The following RETREG1 variants were observed in gnomAD, a reference collection of about 807,000 sequenced individuals.
The protein encoded by RETREG1 is family with sequence similarity 134 member B.
Under a neutral mutation model 54.8 loss-of-function variants are expected in RETREG1, and 44 were observed. That is an observed-to-expected ratio of 0.80 (90% CI 0.63 to 1.03). RETREG1 has a LOEUF of 1.03. RETREG1 is among the 50% of genes least tolerant of loss of function. The pLI is 0.00. For missense variants in RETREG1, 554 were observed against 605.1 expected, an observed-to-expected ratio of 0.92 and a Z score of 0.89; for synonymous variants, 217 against 238.5, an observed-to-expected ratio of 0.91 and a Z score of 0.83.
chr5:16,503,533 G>A (rs1739808439), intron 3 of RETREG1, among the ~76,000 whole-genome samples: 1 of 151,902 alleles, frequency 6.6e-6, no homozygotes, highest in Admixed American at 6.6e-5. Context: ...GCTGGGCGTG[G>A]TGGCAGGCGC....
chr5:16,482,660 G>C (rs759213499), intron 4 of RETREG1, among the ~76,000 whole-genome samples: 7 of 152,046 alleles, frequency 4.6e-5, no homozygotes, highest in Non-Finnish European at 1.0e-4. Flanking sequence ...CAAGGAGCTT[G>C]AAAGCAACAC....
At chr5:16,526,466 A>G (rs1740719691) in intron 3 of RETREG1, among the ~76,000 whole-genome samples, 1 of 152,224 alleles carries the variant, frequency 6.6e-6, no homozygotes, top group African/African-American at 2.4e-5. Flanking sequence ...TTACATGGGA[A>G]AAGGTGGACT....
At position 16,478,180 on chromosome 5, in the gene RETREG1, C is replaced by A. The variant is rs914655202; in HGVS notation, c.809-82G>T. 3.7e-6 allele frequency: 3 copies of A among 819,186 alleles called. No homozygotes were observed. The African/African-American group carries it at 5.1e-5, about 14-fold the overall frequency. The allele number at this position is 819,186 out of a possible 1,614,324, so 50.7% of individuals were successfully genotyped here. A position where few individuals can be genotyped will look rare whatever the true frequency, so the allele number is the denominator to read the frequency against. ...ATTTATTTCATTATGTATTCTTACC[C>A]CACATTTCTCATATTCTCCAAATAC... On this transcript the variant is annotated intron_variant, in intron 6 of 8. Transcript: ENST00000306320.
chr5:16,503,748 A>G (rs913346431), intron 3 of RETREG1, among the ~76,000 whole-genome samples: 1 of 152,050 alleles, frequency 6.6e-6, no homozygotes, highest in Non-Finnish European at 1.5e-5. Context: ...ATTATACCTT[A>G]GGAATATATA....
At position 16,474,831 on chromosome 5, in the gene RETREG1, A is replaced by G. The variant is rs1188421518; in HGVS notation, c.1404T>C (p.Ser468=). The G allele has an allele frequency of 3.7e-6, 6 of 1,613,482 alleles. No homozygotes were observed. The South Asian group carries it at 5.5e-5, about 15-fold the overall frequency. The change falls in exon 9 of 9, where the codon AGT becomes AGC. Residue 468 remains serine (S), a synonymous_variant. Coordinates refer to ENST00000306320, the MANE Select transcript of RETREG1 (RefSeq NM_001034850.3). ...CCTGGTCTTGTGTAAGTCCCAATTC[A>G]CTCTCAATTTGATCCAGCTCTGACT... The part of the protein sequence containing the change: ...LDQSELDQIE[S]ELGLTQDQEA...
chr5:16,589,444 G>A (rs548052661), intron 1 of RETREG1, among the ~76,000 whole-genome samples: 10 of 151,826 alleles, frequency 6.6e-5, no homozygotes, highest in Non-Finnish European at 1.0e-4. Flanking sequence ...GTGCCATCTC[G>A]GCTCACTGCA....
intron 1 of RETREG1, among the ~76,000 whole-genome samples, chr5:16,602,139 G>A (rs1743071047): frequency 6.6e-6 from 1 of 152,140 alleles, no homozygotes; most frequent in Admixed American, 6.5e-5. Flanking sequence ...AGTGCACCAA[G>A]GAAGGCTTCA....
chr5:16,503,678 AGAAAG>A (rs1311035591), intron 3 of RETREG1, among the ~76,000 whole-genome samples: 3 of 103,306 alleles, frequency 2.9e-5, no homozygotes, highest in African/African-American at 1.0e-4. Context: ...AAAAAAAAAA[AGAAAG>A]AAAGAAAGAA....
At chr5:16,505,901 G>C (rs1231466853) in intron 3 of RETREG1, among the ~76,000 whole-genome samples, 2 of 152,176 alleles carry the variant, frequency 1.3e-5, no homozygotes, top group Non-Finnish European at 2.9e-5. Context: ...GCCTGCTTCA[G>C]AGTGGCATTC....
rs142862821 is a variant in RETREG1 at position 16,488,083 on chromosome 5, AT to A, written c.459-4612del. ...ATCTGCATTTTAACAGGTGTCCTAGATGATGCTGAGGCAGGTGTGTCTTACC... is the reference window on the plus strand; with the variant it reads ...ATCTGCATTTTAACAGGTGTCCTAGAGATGCTGAGGCAGGTGTGTCTTACC... On this transcript the variant is annotated intron_variant, in intron 3 of 8. Transcript: ENST00000306320. 3.3e-3 allele frequency among the ~76,000 whole-genome samples: 506 copies of A among 152,308 alleles called. 4 individuals carry two copies. Among genetic ancestry groups the A allele is most frequent in the African/African-American group, 0.011 (477 of 41,568 alleles).
chr5:16,492,320 T>C (rs1579600743), intron 3 of RETREG1, among the ~76,000 whole-genome samples: 1 of 151,996 alleles, frequency 6.6e-6, no homozygotes, highest in Non-Finnish European at 1.5e-5. Context: ...TTTCCAAAGA[T>C]GTTTTGATTT....
chr5:16,479,630 T>C (rs1294297887), intron 5 of RETREG1, among the ~76,000 whole-genome samples: 1 of 152,110 alleles, frequency 6.6e-6, no homozygotes, highest in Non-Finnish European at 1.5e-5. Flanking sequence ...ATGACTTCTT[T>C]TGGGGAGAAT....
At chr5:16,557,357 TCTC>T (rs1164122214) in intron 3 of RETREG1, among the ~76,000 whole-genome samples, 7 of 152,230 alleles carry the variant, frequency 4.6e-5, no homozygotes, top group Non-Finnish European at 8.8e-5. Flanking sequence ...TAACTACAGT[TCTC>T]CACATCCTTT....
At chr5:16,541,193 A>G (rs1024424590) in intron 3 of RETREG1, among the ~76,000 whole-genome samples, 1 of 152,182 alleles carries the variant, frequency 6.6e-6, no homozygotes, top group Admixed American at 6.5e-5. Context: ...TCTTTGGGGA[A>G]ATGATTCAAT....
At chr5:16,532,235 A>C (rs1336677909) in intron 3 of RETREG1, among the ~76,000 whole-genome samples, 3 of 152,188 alleles carry the variant, frequency 2.0e-5, no homozygotes, top group Non-Finnish European at 4.4e-5. Flanking sequence ...GCGTTCAAAA[A>C]GTTTTCCTGG....
intron 3 of RETREG1, among the ~76,000 whole-genome samples, chr5:16,486,731 T>C (rs1739035821): frequency 1.3e-5 from 2 of 152,208 alleles, no homozygotes; most frequent in Admixed American, 6.5e-5. Flanking sequence ...GAGCATTTCA[T>C]GTTCCTCACT....
intron 3 of RETREG1, among the ~76,000 whole-genome samples, chr5:16,522,033 G>A (rs1740548354): frequency 6.6e-6 from 1 of 152,164 alleles, no homozygotes; most frequent in Admixed American, 6.5e-5. Flanking sequence ...TGCTGACCCA[G>A]CCTTGAAGGG....
intron 3 of RETREG1, among the ~76,000 whole-genome samples, chr5:16,520,325 T>TTG (rs369071745): frequency 0.3 from 45,771 of 151,598 alleles, 7,094 homozygotes; most frequent in East Asian, 0.39. Context: ...TGGTTTTTTT[T>TTG]TTGTTGTTGT....
intron 3 of RETREG1, among the ~76,000 whole-genome samples, chr5:16,529,412 A>G (rs1252445767): frequency 2.0e-5 from 3 of 152,176 alleles, no homozygotes; most frequent in Non-Finnish European, 4.4e-5. Flanking sequence ...AAAAGATTGC[A>G]TCTTGAATTA....
Sources: allele counts gnomAD v4.1 joint callset (sites outside exome capture counted in the v4.1 genomes callset), GRCh38; gene constraint gnomAD v4.1.1; transcripts MANE v1.5; gene names NCBI Gene and HGNC (gene_info 2026-07-23, HGNC 2026-07-21).